The following MYO10 variants were observed in gnomAD, a reference collection of about 807,000 sequenced individuals.
MYO10 encodes unconventional myosin-X.
Under a neutral mutation model 257.3 loss-of-function variants are expected in MYO10, and 133 were observed. The ratio of observed to expected loss-of-function variants is 0.52; its 90% CI spans 0.45 to 0.60. MYO10 has a LOEUF of 0.60. Among genes scored for constraint, MYO10 ranks in the 20% least tolerant of loss-of-function variants. The pLI is 0.00. For missense variants in MYO10, 2,399 were observed against 2,635.7 expected (o/e 0.91, Z 1.97); for synonymous variants, 1,104 against 1,028.6 (o/e 1.07, Z -1.40).
intron 18 of MYO10, 93 bp from the exon 19 acceptor site, chr5:16,755,001 AAC>A (rs1740486549): frequency 4.0e-6 from 3 of 743,562 alleles, no homozygotes; most frequent in South Asian, 5.4e-5. Flanking sequence ...TAATTTAAAA[AAC>A]ACAATATAAA....
intron 2 of MYO10, among the ~76,000 whole-genome samples, chr5:16,867,827 T>G (rs1218478826): frequency 6.6e-6 from 1 of 152,184 alleles, no homozygotes; most frequent in African/African-American, 2.4e-5. Flanking sequence ...GAGAAGAATT[T>G]TTTCAACCAA....
chr5:16,889,334 A>G (rs576303221), intron 1 of MYO10, among the ~76,000 whole-genome samples: 37 of 152,120 alleles, frequency 2.4e-4, no homozygotes, highest in African/African-American at 8.9e-4. Context: ...TGAACCCAGG[A>G]GGCGGAGGTT....
intron 4 of MYO10, among the ~76,000 whole-genome samples, chr5:16,787,339 T>C (rs1741616467): frequency 6.6e-6 from 1 of 152,060 alleles, no homozygotes; most frequent in Admixed American, 6.6e-5. Context: ...AGAAGAAATA[T>C]AATTAAATAA....
intron 1 of MYO10, among the ~76,000 whole-genome samples, chr5:16,904,878 G>C (rs941011851): frequency 1.3e-5 from 2 of 151,220 alleles, no homozygotes; most frequent in African/African-American, 2.4e-5. Flanking sequence ...GCAGTGAGCC[G>C]AGATCACACC....
intron 19 of MYO10, among the ~76,000 whole-genome samples, chr5:16,736,308 G>A (rs1367315382): frequency 1.3e-5 from 2 of 152,216 alleles, no homozygotes; most frequent in African/African-American, 4.8e-5. Flanking sequence ...GACGTTGGCA[G>A]AGCCCCAGAG....
chr5:16,812,934 T>A (rs201191358), intron 3 of MYO10, among the ~76,000 whole-genome samples: 57 of 141,694 alleles, frequency 4.0e-4, no homozygotes, highest in Non-Finnish European at 6.4e-4. Flanking sequence ...TTATTTTTTT[T>A]TTTTTTTTAT....
At chr5:16,740,977 A>T (rs1000514404) in intron 19 of MYO10, among the ~76,000 whole-genome samples, 2 of 152,106 alleles carry the variant, frequency 1.3e-5, no homozygotes, top group African/African-American at 4.8e-5. Flanking sequence ...GCCTAGTAGC[A>T]GTCAGCCAAG....
intron 30 of MYO10, among the ~76,000 whole-genome samples, chr5:16,682,696 T>C (rs965247649): frequency 6.6e-6 from 1 of 152,138 alleles, no homozygotes; most frequent in Non-Finnish European, 1.5e-5. Flanking sequence ...AAATGTTCAC[T>C]GTAGTTAGGT....
At chr5:16,797,997 T>C (rs1167954720) in intron 3 of MYO10, among the ~76,000 whole-genome samples, 2 of 152,260 alleles carry the variant, frequency 1.3e-5, no homozygotes, top group African/African-American at 4.8e-5. Context: ...AATGCCATTA[T>C]TGCAGGAGTG....
intron 1 of MYO10, among the ~76,000 whole-genome samples, chr5:16,932,386 G>C (rs1746315392): frequency 6.6e-6 from 1 of 152,166 alleles, no homozygotes; most frequent in Non-Finnish European, 1.5e-5. Flanking sequence ...CTGAAGACAT[G>C]AAAACAGTGT....
chr5:16,788,763 T>C (rs1353947651), intron 4 of MYO10, among the ~76,000 whole-genome samples: 7 of 151,636 alleles, frequency 4.6e-5, no homozygotes, highest in Admixed American at 6.6e-5. Context: ...GGAAGAAATA[T>C]AGGATGGGGC....
intron 2 of MYO10, among the ~76,000 whole-genome samples, chr5:16,832,715 A>G (rs767567862): frequency 5.3e-5 from 8 of 152,208 alleles, no homozygotes; most frequent in Non-Finnish European, 8.8e-5. Context: ...TAACATGGCT[A>G]TCACATGAAC....
chr5:16,723,049 A>G (rs570809666), intron 19 of MYO10, among the ~76,000 whole-genome samples: 2 of 152,342 alleles, frequency 1.3e-5, no homozygotes, highest in African/African-American at 4.8e-5. Flanking sequence ...GCTAATAAGC[A>G]TATGAAAAGA....
chr5:16,671,288 G>A lies in MYO10; in HGVS notation c.5430+134C>T. On this transcript the variant is annotated intron_variant, in intron 38 of 40. Coordinates refer to ENST00000513610, the MANE Select transcript of MYO10 (RefSeq NM_012334.3). ...CATTCTACAAACGAATGAAAGAGCA[G>A]CTGGTCTTGTCTTTGCTGGGAAATC... 4 of 1,122,750 alleles carry A rather than the reference G, an allele frequency of 3.6e-6. No individual in the cohort carries two copies. In the South Asian group the frequency reaches 4.9e-5, roughly 14 times the overall value. 69.5% of individuals were successfully genotyped at this position (1,122,750 alleles called of 1,614,324 possible).
Position 16,701,307 on chromosome 5 carries a change from A to C in MYO10, c.3088T>G (p.Ser1030Ala), listed in dbSNP as rs746946147. Residue 1030 changes from serine (S) to alanine (A), a missense_variant, in exon 25 of 41, where the codon TCA becomes GCA. Physicochemically the swap from Ser to Ala is moderately conservative, Grantham distance 99. Transcript: ENST00000513610. The surrounding 1 kb of genome is among the most constrained non-coding windows in gnomAD (Gnocchi z 8.1). ...TSGIRTSDDS[S>A]EEDPYMNDTV... is the part of the protein sequence containing the mutation. ...TCGTTCATGTATGGGTCCTCCTCTG[A>C]AGAGTCATCGCTGGTCCGGATGCCA... 2.2e-5 allele frequency: 35 copies of C among 1,613,736 alleles called. No homozygotes were observed. Among genetic ancestry groups the C allele is most frequent in the Non-Finnish European group, 2.8e-5 (33 of 1,179,836 alleles).
intron 9 of MYO10, among the ~76,000 whole-genome samples, chr5:16,776,980 G>A (rs976739000): frequency 6.6e-6 from 1 of 152,026 alleles, no homozygotes; most frequent in Admixed American, 6.6e-5. Flanking sequence ...AAAAAAGCCA[G>A]AGACAAGTCT....
At chr5:16,717,493 A>G (rs760934072) in intron 19 of MYO10, among the ~76,000 whole-genome samples, 6 of 152,214 alleles carry the variant, frequency 3.9e-5, no homozygotes, top group Non-Finnish European at 7.3e-5. Context: ...CGACTTAAAG[A>G]TCACAATTTT....
intron 1 of MYO10, among the ~76,000 whole-genome samples, chr5:16,882,803 G>A (rs1561036840): frequency 6.6e-6 from 1 of 152,102 alleles, no homozygotes; most frequent in Non-Finnish European, 1.5e-5. Flanking sequence ...ACACTGCCCT[G>A]TGGTGATGGC....
At chr5:16,748,644 G>A (rs1740289868) in intron 19 of MYO10, among the ~76,000 whole-genome samples, 1 of 151,116 alleles carries the variant, frequency 6.6e-6, no homozygotes, top group South Asian at 2.1e-4. Flanking sequence ...GAGGGAGGGA[G>A]AAATAGCAGG....
Sources: allele counts gnomAD v4.1 joint callset (sites outside exome capture counted in the v4.1 genomes callset), GRCh38; gene constraint gnomAD v4.1.1; non-coding constraint Gnocchi (gnomAD v3.1); transcripts MANE v1.5; gene names NCBI Gene and HGNC (gene_info 2026-07-23, HGNC 2026-07-21).